STK33: variants seen among roughly 807,000 people sequenced by gnomAD.
STK33 encodes serine/threonine kinase 33.
Under a neutral mutation model 58.0 loss-of-function variants are expected in STK33, and 52 were observed. That is an observed-to-expected ratio of 0.90 (90% CI 0.72 to 1.13). The LOEUF is 1.13. Among genes scored for constraint, STK33 ranks in the 50% most tolerant of loss-of-function variants. STK33 has a pLI of 0.00. For synonymous variants in STK33, 215 were observed against 200.1 expected (o/e 1.07, Z -0.63); for missense variants, 630 against 604.2 (o/e 1.04, Z -0.45).
At chr11:8,520,883 T>C (rs889931821) in intron 1 of STK33, among the ~76,000 whole-genome samples, 3 of 152,000 alleles carry the variant, frequency 2.0e-5, no homozygotes, top group African/African-American at 7.2e-5. Flanking sequence ...TGCTCATGGA[T>C]AGGAAGAATC....
intron 1 of STK33, among the ~76,000 whole-genome samples, chr11:8,515,394 G>C (rs2084187): frequency 0.26 from 39,691 of 151,994 alleles, 5,333 homozygotes; most frequent in South Asian, 0.33. Context: ...TCTATAACTA[G>C]TATGGCAATT....
intron 1 of STK33, among the ~76,000 whole-genome samples, chr11:8,592,617 T>C (rs2032797715): frequency 6.6e-6 from 1 of 152,174 alleles, no homozygotes; most frequent in African/African-American, 2.4e-5. Flanking sequence ...GGAACTGTTT[T>C]TTTATTTTTT....
rs117859099 is a variant in STK33, at chr11:8,514,528, C to A, written c.-465-33914G>T. ...TTACTGATAGCCTCCAGGGATCATG[C>A]GGATAAGAAATACAGTCTAAAGTCC... On this transcript the variant is annotated intron_variant, in intron 1 of 15. Transcript: ENST00000687296. Among the ~76,000 whole-genome samples the A allele has an allele frequency of 1.1e-3, 169 of 152,234 alleles. 3 individuals carry two copies. In the East Asian group the frequency reaches 0.032, roughly 29 times the overall value.
chr11:8,590,122 T>C (rs1423696624), intron 1 of STK33, among the ~76,000 whole-genome samples: 2 of 152,184 alleles, frequency 1.3e-5, no homozygotes. Flanking sequence ...AATGACAAAG[T>C]AACAGAGTAG....
At chr11:8,391,709 C>A (rs1483444776), downstream of STK33, among the ~76,000 whole-genome samples, 3 of 152,226 alleles carry the variant, frequency 2.0e-5, no homozygotes, top group African/African-American at 7.2e-5. Flanking sequence ...AAGGAGATGT[C>A]TATAAAGCTA....
the STK33 span, among the ~76,000 whole-genome samples, chr11:8,338,078 G>T: frequency 6.6e-6 from 1 of 152,232 alleles, no homozygotes; most frequent in Non-Finnish European, 1.5e-5. Flanking sequence ...GTCAGCAGGG[G>T]CTTCTGCCCC....
the STK33 span, among the ~76,000 whole-genome samples, chr11:8,340,935 T>G: frequency 7.2e-5 from 11 of 152,352 alleles, no homozygotes; most frequent in Middle Eastern, 3.4e-3. Flanking sequence ...GTTGGCTCAC[T>G]GCAACCTCCG....
At chr11:8,459,042 G>C (rs1004820949) in intron 8 of STK33, among the ~76,000 whole-genome samples, 12 of 152,164 alleles carry the variant, frequency 7.9e-5, no homozygotes, top group Non-Finnish European at 1.6e-4. Context: ...TGACAGGACT[G>C]TACAGTTCAC....
In STK33 at chr11:8,447,466, A is replaced by G. The variant is rs576235695; in HGVS notation, c.871+5356T>C. On this transcript the variant is annotated intron_variant, in intron 11 of 15. Coordinates refer to ENST00000687296, the MANE Select transcript of STK33 (RefSeq NM_001352389.2). ...ATCAAGTGGGCTTCATCTCTGGGAT[A>G]CAAGGCTGGTTCAACATACGCAAAT... 2.0e-3 allele frequency among the ~76,000 whole-genome samples: 299 copies of G among 152,078 alleles called. 2 individuals are homozygous for G. Among genetic ancestry groups the G allele is most frequent in the African/African-American group, 6.8e-3 (283 of 41,484 alleles).
At chr11:8,441,325 T>C (rs1487086237) in intron 11 of STK33, among the ~76,000 whole-genome samples, 1 of 151,948 alleles carries the variant, frequency 6.6e-6, no homozygotes. Flanking sequence ...ACATAGACTA[T>C]ACTAAATATA....
chr11:8,457,579 T>G, intron 8 of STK33, 100 bp from the exon 9 acceptor site: 1 of 1,062,312 alleles, frequency 9.4e-7, no homozygotes, highest in Non-Finnish European at 1.3e-6. Flanking sequence ...TAATCATTAA[T>G]TTATTCATTC....
intron 1 of STK33, among the ~76,000 whole-genome samples, chr11:8,545,603 T>C (rs1231151058): frequency 6.6e-6 from 1 of 152,186 alleles, no homozygotes; most frequent in Non-Finnish European, 1.5e-5. Context: ...AAGAAATTTA[T>C]ATTAAGAGCC....
At chr11:8,345,177 C>A in the STK33 span, among the ~76,000 whole-genome samples, 1 of 152,194 alleles carries the variant, frequency 6.6e-6, no homozygotes, top group East Asian at 1.9e-4. Flanking sequence ...ACCTGAGAGG[C>A]CCCGCAGAGT....
Position 8,494,170 on chromosome 11 carries a change from A to G in STK33, c.-465-13556T>C, listed in dbSNP as rs559844923. Among the ~76,000 whole-genome samples, 3 of 152,350 alleles carry G rather than the reference A, an allele frequency of 2.0e-5. No individual in the cohort carries two copies. The East Asian group carries it at 5.8e-4, about 29-fold the overall frequency. ...AGAAAGTCAAATTGTCCCTGTTTGC[A>G]GATGACATGATTGTATATTTAGAAA... On this transcript the variant is annotated intron_variant, in intron 1 of 15. Coordinates refer to ENST00000687296, the MANE Select transcript of STK33 (RefSeq NM_001352389.2).
chr11:8,497,129 A>C (rs1455899925), intron 1 of STK33, among the ~76,000 whole-genome samples: 1 of 152,210 alleles, frequency 6.6e-6, no homozygotes, highest in Admixed American at 6.5e-5. Flanking sequence ...CCATCAATGT[A>C]TCAACATATG....
intron 1 of STK33, among the ~76,000 whole-genome samples, chr11:8,574,031 T>C (rs1217095826): frequency 1.3e-5 from 2 of 152,176 alleles, no homozygotes; most frequent in Non-Finnish European, 2.9e-5. Context: ...AAGACCTGCC[T>C]TGAAGTTGCC....
chr11:8,591,710 T>C (rs1044313773), intron 1 of STK33, among the ~76,000 whole-genome samples: 1 of 152,068 alleles, frequency 6.6e-6, no homozygotes, highest in African/African-American at 2.4e-5. Flanking sequence ...CTGGAAACCA[T>C]CATTCTCCGC....
At chr11:8,526,197 G>C (rs1954006301) in intron 1 of STK33, among the ~76,000 whole-genome samples, 1 of 152,144 alleles carries the variant, frequency 6.6e-6, no homozygotes, top group Non-Finnish European at 1.5e-5. Flanking sequence ...AAGAGATTGA[G>C]ACCATTCTGG....
chr11:8,575,527 AT>A (rs1173912707), intron 1 of STK33, among the ~76,000 whole-genome samples: 1 of 152,242 alleles, frequency 6.6e-6, no homozygotes, highest in African/African-American at 2.4e-5. Context: ...TTCTATTTAT[AT>A]GAAATAGCTA....
Sources: gnomAD v4.1 joint callset for allele counts (sites outside exome capture counted in the v4.1 genomes callset) on GRCh38, gnomAD v4.1.1 for gene constraint, MANE v1.5 for transcripts, NCBI Gene and HGNC (gene_info 2026-07-23, HGNC 2026-07-21) for gene names.